Variants in POPDC1 observed in about 807,000 individuals in gnomAD.
The protein encoded by POPDC1 is popeye domain-containing protein 1.
At chr6:105,105,453 C>G in the POPDC1 span, among the ~76,000 whole-genome samples, 2 of 152,238 alleles carry the variant, frequency 1.3e-5, no homozygotes, top group African/African-American at 4.8e-5. Context: ...GCCTCGGAAT[C>G]TGCAACTGTC....
the POPDC1 span, chr6:105,097,154 G>A: frequency 1.3e-5 from 2 of 152,178 alleles, no homozygotes; most frequent in East Asian, 3.9e-4. Flanking sequence ...CCATGAGTAA[G>A]GGAGCGTGTC....
the POPDC1 span, chr6:105,099,922 C>T: frequency 1.3e-5 from 2 of 152,350 alleles, no homozygotes; most frequent in Admixed American, 1.3e-4. Context: ...AAGTGTTTCC[C>T]ACACCAGAGT....
chr6:105,129,282 CTAAA>C, the POPDC1 span: 6 of 1,080,508 alleles, frequency 5.6e-6, no homozygotes, highest in Non-Finnish European at 6.4e-6. Context: ...ATTAAAGTGA[CTAAA>C]TATGCTAGAT....
At chr6:105,120,916 G>C in the POPDC1 span, among the ~76,000 whole-genome samples, 1 of 152,170 alleles carries the variant, frequency 6.6e-6, no homozygotes, top group African/African-American at 2.4e-5. Context: ...GATGCTTATT[G>C]AGTTCTCCTA....
chr6:105,100,065 TA>T, the POPDC1 span: 1 of 152,180 alleles, frequency 6.6e-6, no homozygotes, highest in Admixed American at 6.5e-5. Context: ...AATACAAGGG[TA>T]ATGTGAGTAA....
chr6:105,124,938 C>A, the POPDC1 span, among the ~76,000 whole-genome samples: 1 of 152,174 alleles, frequency 6.6e-6, no homozygotes, highest in Non-Finnish European at 1.5e-5. Flanking sequence ...CTCTAACTGG[C>A]ACACTTCTGA....
At chr6:105,111,380 A>G in the POPDC1 span, among the ~76,000 whole-genome samples, 2 of 152,226 alleles carry the variant, frequency 1.3e-5, no homozygotes, top group African/African-American at 4.8e-5. Flanking sequence ...AGAAGGAGAG[A>G]AGATGCACAA....
the POPDC1 span, chr6:105,101,261 A>T: frequency 6.6e-7 from 1 of 1,521,876 alleles, no homozygotes; most frequent in Admixed American, 2.1e-5. Context: ...CAATCTACCC[A>T]GACCCTGGTG....
chr6:105,117,077 C>A, the POPDC1 span, among the ~76,000 whole-genome samples: 1 of 152,124 alleles, frequency 6.6e-6, no homozygotes, highest in African/African-American at 2.4e-5. Context: ...TAAATAAAAG[C>A]AAATTCTCTG....
chr6:105,111,140 A>G, the POPDC1 span, among the ~76,000 whole-genome samples: 2,379 of 152,362 alleles, frequency 0.016, 24 homozygotes, highest in Middle Eastern at 0.068. Flanking sequence ...TTTTTCAAAG[A>G]TGAGTTCCAA....
At chr6:105,131,232 A>C in the POPDC1 span, among the ~76,000 whole-genome samples, 1 of 152,200 alleles carries the variant, frequency 6.6e-6, no homozygotes, top group Non-Finnish European at 1.5e-5. Flanking sequence ...ATAAAGCCCA[A>C]AATGTAAAAA....
chr6:105,115,976 A>G, the POPDC1 span: 1 of 576,108 alleles, frequency 1.7e-6, no homozygotes, highest in Non-Finnish European at 2.8e-6. Flanking sequence ...AACATAAGCT[A>G]TGATTTTTAT....
At chr6:105,120,783 A>G in the POPDC1 span, among the ~76,000 whole-genome samples, 176 of 152,344 alleles carry the variant, frequency 1.2e-3, 5 homozygotes, top group East Asian at 0.03. Flanking sequence ...TAGAATCAGA[A>G]ACCGCAGTGT....
chr6:105,127,058 A>G, the POPDC1 span, among the ~76,000 whole-genome samples: 2 of 152,188 alleles, frequency 1.3e-5, no homozygotes, highest in Non-Finnish European at 2.9e-5. Context: ...AATTGGGTGG[A>G]TGGAAAACCA....
chr6:105,136,181 C>A, the POPDC1 span: 1 of 152,248 alleles, frequency 6.6e-6, no homozygotes, highest in Non-Finnish European at 1.5e-5. Flanking sequence ...GCACATCTCC[C>A]GAATGGCAAA....
chr6:105,113,084 C>T, the POPDC1 span, among the ~76,000 whole-genome samples: 1 of 151,958 alleles, frequency 6.6e-6, no homozygotes, highest in Non-Finnish European at 1.5e-5. Flanking sequence ...GCATGTATCA[C>T]CATGCCTGGA....
the POPDC1 span, among the ~76,000 whole-genome samples, chr6:105,106,362 T>A: frequency 6.6e-6 from 1 of 152,194 alleles, no homozygotes; most frequent in Non-Finnish European, 1.5e-5. Flanking sequence ...TCTGCCACAC[T>A]CGCAGTATGT....
At chr6:105,125,371 GAT>G in the POPDC1 span, 1 of 1,611,296 alleles carries the variant, frequency 6.2e-7, no homozygotes, top group East Asian at 2.2e-5. Flanking sequence ...TAGGAATTTT[GAT>G]TTCCACAGAA....
At chr6:105,098,409 AAT>A in the POPDC1 span, 1 of 152,206 alleles carries the variant, frequency 6.6e-6, no homozygotes, top group Non-Finnish European at 1.5e-5. Flanking sequence ...TTGAGGTTAC[AAT>A]CTTCACATTG....
Sources: gnomAD v4.1 joint callset for allele counts (sites outside exome capture counted in the v4.1 genomes callset) on GRCh38, gnomAD v4.1.1 for gene constraint, MANE v1.5 for transcripts, NCBI Gene and HGNC (gene_info 2026-07-23, HGNC 2026-07-21) for gene names.